The following PSG6 variants were observed in gnomAD, a reference collection of about 807,000 sequenced individuals.
PSG6 encodes pregnancy specific beta-1-glycoprotein 6, also known as pregnancy-specific beta-1-glycoprotein 6.
A neutral mutation model predicts 43.3 loss-of-function variants in PSG6; 51 were observed. The ratio of observed to expected loss-of-function variants is 1.18; its 90% CI spans 0.94 to 1.49. The LOEUF is 1.49. Ranked by LOEUF, PSG6 falls within the 40% of genes most tolerant of loss-of-function variation. PSG6 has a pLI of 0.00. For synonymous variants in PSG6, 292 were observed against 197.6 expected (o/e 1.48, Z -4.01); for missense variants, 770 against 522.2 (o/e 1.47, Z -4.62).
intron 5 of PSG6, chr19:42,906,709 T>G: frequency 1.3e-6 from 2 of 1,485,074 alleles, no homozygotes; most frequent in East Asian, 4.7e-5. Flanking sequence ...CCTACCTTTC[T>G]CAGGCCAGAC....
chr19:42,913,869 A>T (rs1418557675), intron 2 of PSG6, among the ~76,000 whole-genome samples: 1 of 151,290 alleles, frequency 6.6e-6, no homozygotes, highest in African/African-American at 2.4e-5. Context: ...AATCAGCAGT[A>T]CTCATTTTTT....
At chr19:42,906,659 T>A in intron 5 of PSG6, 6 of 1,410,008 alleles carry the variant, frequency 4.3e-6, no homozygotes, top group Non-Finnish European at 5.6e-6. Flanking sequence ...CTGTGAAGCC[T>A]CTTCTACCAC....
At position 42,916,011 on chromosome 19, in the gene PSG6, T is replaced by G. The variant is rs531626920; in HGVS notation, c.427+114A>C. ...TGCACTAAATGCCCAAACCCCAGCATGGGACATAATGCAGAGAGTGACACA... is the reference window on the plus strand; with the variant it reads ...TGCACTAAATGCCCAAACCCCAGCAGGGGACATAATGCAGAGAGTGACACA... On this transcript the variant is annotated intron_variant, in intron 2 of 5. Transcript: ENST00000187910. 1.6e-4 allele frequency: 240 copies of G among 1,542,600 alleles called. 3 individuals carry two copies. In the Middle Eastern group the frequency reaches 3.3e-3, roughly 21 times the overall value.
At chr19:42,911,064 G>A (rs59139532) in intron 2 of PSG6, among the ~76,000 whole-genome samples, 4,867 of 151,528 alleles carry the variant, frequency 0.032, 323 homozygotes, top group African/African-American at 0.11. Context: ...GGAGAAGCAT[G>A]GACTTTCTCA....
At chr19:42,917,328 G>A (rs1037289241) in intron 1 of PSG6, among the ~76,000 whole-genome samples, 4 of 149,388 alleles carry the variant, frequency 2.7e-5, no homozygotes, top group African/African-American at 4.9e-5. Flanking sequence ...CTCCAACAGA[G>A]CCTTCTTTCC....
chr19:42,906,223 G>A (rs923290718), intron 5 of PSG6, among the ~76,000 whole-genome samples: 2 of 151,528 alleles, frequency 1.3e-5, no homozygotes, highest in African/African-American at 2.4e-5. Context: ...GCCTCATACA[G>A]CTGGTGACTT....
rs1972356494 is a variant in PSG6, at chr19:42,917,362, T to C, written c.64+367A>G. ...CCCTTTTTTTCTTTCTTCTTTTTAT[T>C]CTTTTTTTTTTTTTTTTTTGAAATG... On this transcript the variant is annotated intron_variant, in intron 1 of 5. Transcript: ENST00000187910. 6.1e-5 allele frequency among the ~76,000 whole-genome samples: 8 copies of C among 130,752 alleles called. No homozygotes were observed. The Admixed American group carries it at 6.6e-4, about 11-fold the overall frequency. 85.8% of individuals were successfully genotyped at this position (130,752 alleles called of 152,430 possible). A position where few individuals can be genotyped will look rare whatever the true frequency, so the allele number is the denominator to read the frequency against.
intron 3 of PSG6, among the ~76,000 whole-genome samples, chr19:42,908,796 A>C (rs1411886040): frequency 6.6e-6 from 1 of 151,694 alleles, no homozygotes; most frequent in Non-Finnish European, 1.5e-5. Context: ...CTTTCATTGG[A>C]CATTCTACTC....
chr19:42,915,723 A>G, intron 2 of PSG6: 1 of 292,380 alleles, frequency 3.4e-6, no homozygotes, highest in Non-Finnish European at 6.3e-6. Context: ...GGATTTAGGG[A>G]CAGGGGTCTG....
At chr19:42,917,310 T>C (rs1202715689) in intron 1 of PSG6, among the ~76,000 whole-genome samples, 1 of 150,908 alleles carries the variant, frequency 6.6e-6, no homozygotes, top group African/African-American at 2.4e-5. Flanking sequence ...TATTTTCCCC[T>C]ATCCAGGCTC....
Position 42,906,825 on chromosome 19 carries a change from C to A in PSG6, c.1240+97G>T. On this transcript the variant is annotated intron_variant, in intron 5 of 5. Coordinates refer to ENST00000187910, the MANE Select transcript of PSG6 (RefSeq NM_001031850.4). ...TTGGGATTTGCTTGTGCCCATGGGA[C>A]ACAGTCTGGGAATACAAATGTTTTC... is the stretch of plus-strand genomic sequence containing the variant. 1.9e-6 allele frequency: 3 copies of A among 1,606,916 alleles called. No homozygotes were observed. In the Admixed American group the frequency reaches 5.0e-5, roughly 27 times the overall value.
At chr19:42,907,231 C>T (rs1972131979) in intron 4 of PSG6, 55 bp from the exon 5 acceptor site, 2 of 1,584,136 alleles carry the variant, frequency 1.3e-6, no homozygotes, top group South Asian at 1.2e-5. Context: ...AGGGGATGCT[C>T]CTGGTCTCTT....
In PSG6 at chr19:42,907,045, G is replaced by C. The variant is rs148858617; in HGVS notation, c.1117C>G (p.Leu373Val). ...YSWTINGKFQ[L>V]SGQKLFIPQI... ...GGGATAAAGAGCTTTTGTCCTGATAGCTGAAACTTCCCATTAATTGTCCAA... is the reference window on the plus strand; with the variant it reads ...GGGATAAAGAGCTTTTGTCCTGATACCTGAAACTTCCCATTAATTGTCCAA... Residue 373 changes from leucine to valine, a missense_variant, in exon 5 of 6, where the codon CTA becomes GTA. By Grantham distance (32) the Leu-to-Val change is conservative (BLOSUM62 1). Transcript: ENST00000187910. 31 of 1,612,544 alleles carry C rather than the reference G, an allele frequency of 1.9e-5. 2 individuals carry two copies. The highest frequency in any genetic ancestry group is 2.5e-5 in the Non-Finnish European group (29 of 1,179,244).
intron 3 of PSG6, among the ~76,000 whole-genome samples, chr19:42,908,965 A>G (rs1320615698): frequency 6.6e-6 from 1 of 151,606 alleles, no homozygotes; most frequent in Non-Finnish European, 1.5e-5. Context: ...GAGGTTCTAG[A>G]GATCTGCTGT....
intron 3 of PSG6, 131 bp from the exon 4 acceptor site, chr19:42,907,985 C>G: frequency 7.3e-7 from 1 of 1,361,436 alleles, no homozygotes; most frequent in Non-Finnish European, 1.0e-6. Context: ...GTGCATGTGT[C>G]ACAAGACAGA....
intron 2 of PSG6, among the ~76,000 whole-genome samples, chr19:42,911,247 C>A (rs115257718): frequency 0.13 from 20,381 of 151,332 alleles, 1,791 homozygotes; most frequent in Admixed American, 0.18. Context: ...ACTTTGCCCC[C>A]TGAGGTATGT....
At position 42,916,415 on chromosome 19, in the gene PSG6, G is replaced by A. The variant is rs756736471; in HGVS notation, c.137C>T (p.Ser46Phe). The A allele has an allele frequency of 6.2e-7, 1 of 1,612,028 alleles. No individual in the cohort carries two copies. Among genetic ancestry groups the A allele is most frequent in the African/African-American group, 1.3e-5 (1 of 74,700 alleles). ...AAGTAGAAGAACATCCTTCCCCTCGGAAACTTTGGGTGGCTTGGCTTCAAT... is the reference window on the plus strand; with the variant it reads ...AAGTAGAAGAACATCCTTCCCCTCGAAAACTTTGGGTGGCTTGGCTTCAAT... ...VIIEAKPPKV[S>F]EGKDVLLLVH... Residue 46 changes from serine (S) to phenylalanine (F), a missense_variant, in exon 2 of 6, where the codon TCC (serine) becomes TTC (phenylalanine). Coordinates refer to ENST00000187910, the MANE Select transcript of PSG6 (RefSeq NM_001031850.4).
chr19:42,916,026 A>T (rs1972318486), intron 2 of PSG6, 99 bp downstream of exon 2: 3 of 1,570,234 alleles, frequency 1.9e-6, no homozygotes, highest in Non-Finnish European at 2.6e-6. Context: ...CATAATGCAG[A>T]GAGTGACACA....
chr19:42,909,236 G>C (rs1369569468), intron 3 of PSG6, among the ~76,000 whole-genome samples: 1 of 151,402 alleles, frequency 6.6e-6, no homozygotes, highest in Admixed American at 6.6e-5. Context: ...TTTCTAGCTT[G>C]GTGATTAGTT....
Sources: allele counts gnomAD v4.1 joint callset (sites outside exome capture counted in the v4.1 genomes callset), GRCh38; gene constraint gnomAD v4.1.1; transcripts MANE v1.5; gene names NCBI Gene and HGNC (gene_info 2026-07-23, HGNC 2026-07-21).